The following CSMD2 variants were observed in gnomAD, a reference collection of about 807,000 sequenced individuals.
CSMD2 encodes CUB and sushi domain-containing protein 2.
CSMD2 carries 130 observed loss-of-function variants against 398.5 expected under a neutral mutation model. That is an observed-to-expected ratio of 0.33 (90% CI 0.28 to 0.38). The LOEUF is 0.38. Ranked by LOEUF, CSMD2 falls within the 10% of genes least tolerant of loss-of-function variation. The probability of loss-of-function intolerance (pLI) is 1.00; values close to 1 mark genes in which losing one functional copy is unlikely to be tolerated. For missense variants in CSMD2, 3,829 were observed against 4,764.9 expected, an observed-to-expected ratio of 0.80 and a Z score of 5.78; for synonymous variants, 1,828 against 1,908.5, an observed-to-expected ratio of 0.96 and a Z score of 1.10.
At chr1:34,015,058 A>G (rs1291794468) in intron 3 of CSMD2, among the ~76,000 whole-genome samples, 1 of 152,228 alleles carries the variant, frequency 6.6e-6, no homozygotes, top group Non-Finnish European at 1.5e-5. Context: ...TTCTCAAGAA[A>G]AGAAGGAAGT....
intron 1 of CSMD2, among the ~76,000 whole-genome samples, chr1:34,142,735 C>A (rs1345692442): frequency 2.0e-5 from 3 of 152,156 alleles, no homozygotes; most frequent in Non-Finnish European, 2.9e-5. Flanking sequence ...CATGATTGAA[C>A]CTCGATCTGC....
chr1:33,532,931 G>A (rs1655386387), intron 64 of CSMD2, 119 bp downstream of exon 64: 6 of 965,136 alleles, frequency 6.2e-6, no homozygotes, highest in Non-Finnish European at 8.9e-6. Context: ...AAAATCAGAA[G>A]CGGGATCCAG....
intron 12 of CSMD2, among the ~76,000 whole-genome samples, chr1:33,774,762 C>G (rs1018270158): frequency 6.6e-6 from 1 of 152,118 alleles, no homozygotes; most frequent in Non-Finnish European, 1.5e-5. Flanking sequence ...AAAAGGGGAT[C>G]CTAAGGGGGA....
At chr1:33,730,490 G>A (rs1037277024) in intron 15 of CSMD2, among the ~76,000 whole-genome samples, 15 of 152,088 alleles carry the variant, frequency 9.9e-5, no homozygotes, top group African/African-American at 3.4e-4. Context: ...AAACTCAGAA[G>A]CAGAGTGAAA....
intron 3 of CSMD2, among the ~76,000 whole-genome samples, chr1:34,010,876 C>T (rs1245276207): frequency 6.6e-6 from 1 of 152,180 alleles, no homozygotes; most frequent in Non-Finnish European, 1.5e-5. Context: ...CTGCCCGCCT[C>T]GGCCTCCCAG....
chr1:33,790,801 A>ATATCTATC (rs3078814), intron 11 of CSMD2, among the ~76,000 whole-genome samples: 26,777 of 148,406 alleles, frequency 0.18, 2,496 homozygotes, highest in East Asian at 0.23. Flanking sequence ...CATCTCTCTA[A>ATATCTATC]TATCTATCTA....
intron 2 of CSMD2, among the ~76,000 whole-genome samples, chr1:34,081,535 C>G (rs1286784495): frequency 6.6e-6 from 1 of 152,128 alleles, no homozygotes; most frequent in Non-Finnish European, 1.5e-5. Context: ...TCTCCTGCCT[C>G]GGCCTGCCGA....
intron 5 of CSMD2, among the ~76,000 whole-genome samples, chr1:33,908,739 G>T (rs1014012155): frequency 2.6e-5 from 4 of 152,216 alleles, no homozygotes; most frequent in Non-Finnish European, 5.9e-5. Flanking sequence ...TAGAGTGCTG[G>T]AGCCCTGGCC....
chr1:33,966,315 G>T (rs1034574325), intron 3 of CSMD2, among the ~76,000 whole-genome samples: 3 of 152,150 alleles, frequency 2.0e-5, no homozygotes, highest in Admixed American at 6.5e-5. Context: ...TGCCCTGATG[G>T]TTGCAAATCC....
chr1:33,939,229 C>A (rs1558133899), intron 3 of CSMD2, among the ~76,000 whole-genome samples: 1 of 151,816 alleles, frequency 6.6e-6, no homozygotes, highest in Non-Finnish European at 1.5e-5. Flanking sequence ...CCATGAGATC[C>A]CATGCTCCTG....
chr1:33,865,354 C>T (rs1639945799), intron 5 of CSMD2, among the ~76,000 whole-genome samples: 1 of 149,950 alleles, frequency 6.7e-6, no homozygotes, highest in Non-Finnish European at 1.5e-5. Context: ...GGGTGAACTC[C>T]CAGGGGTGTT....
chr1:33,652,171 A>G (rs1643791468), intron 28 of CSMD2, 152 bp downstream of exon 28: 2 of 746,152 alleles, frequency 2.7e-6, no homozygotes, highest in Admixed American at 2.3e-5. Flanking sequence ...TAGATGTTCA[A>G]TAAATGCTAG....
chr1:33,555,459 A>G (rs187687287), intron 55 of CSMD2, among the ~76,000 whole-genome samples: 1 of 152,384 alleles, frequency 6.6e-6, no homozygotes, highest in East Asian at 1.9e-4. Context: ...ATAAAGTGGC[A>G]GCAGGATTTG....
At chr1:33,852,447 A>G (rs1226034466) in intron 5 of CSMD2, among the ~76,000 whole-genome samples, 1 of 152,210 alleles carries the variant, frequency 6.6e-6, no homozygotes, top group African/African-American at 2.4e-5. Flanking sequence ...CTGGAATGCG[A>G]CTAGTACTTT....
intron 12 of CSMD2, among the ~76,000 whole-genome samples, chr1:33,786,150 C>A (rs1333504428): frequency 6.6e-6 from 1 of 152,198 alleles, no homozygotes; most frequent in East Asian, 1.9e-4. Flanking sequence ...CTAATTTAGT[C>A]AATGGCTCTA....
intron 47 of CSMD2, among the ~76,000 whole-genome samples, chr1:33,581,356 A>ATT (rs1638691553): frequency 8.2e-6 from 1 of 121,380 alleles, no homozygotes; most frequent in African/African-American, 3.6e-5. Context: ...ATCTTTACTA[A>ATT]AAAAAAAAAA....
At position 33,633,556 on chromosome 1, in the gene CSMD2, G is replaced by A. The variant is rs373716122; in HGVS notation, c.5087-21C>T. Reference sequence around the variant, plus strand: ...CACCACTGTGGAGGAGACACAGTGTGGGGACTGGGCAGGCACGCTGGGGGC... The same window carrying A: ...CACCACTGTGGAGGAGACACAGTGTAGGGACTGGGCAGGCACGCTGGGGGC... On this transcript the variant is annotated intron_variant, in intron 31 of 70. Coordinates refer to ENST00000373381, the MANE Select transcript of CSMD2 (RefSeq NM_001281956.2). The surrounding 1 kb of genome is among the most constrained non-coding windows in gnomAD (Gnocchi z 5.0). The A allele has an allele frequency of 7.9e-6, 12 of 1,527,854 alleles. No homozygotes were observed. The highest frequency in any genetic ancestry group is 2.0e-5 in the Admixed American group (1 of 50,974). 94.6% of individuals were successfully genotyped at this position (1,527,854 alleles called of 1,614,324 possible).
chr1:34,021,332 C>T (rs1451581093), intron 3 of CSMD2, among the ~76,000 whole-genome samples: 4 of 152,186 alleles, frequency 2.6e-5, no homozygotes, highest in East Asian at 1.9e-4. Context: ...ACAGGGTCAC[C>T]TGACCCAAGG....
chr1:33,782,389 A>G (rs1330335563), intron 12 of CSMD2, among the ~76,000 whole-genome samples: 1 of 152,172 alleles, frequency 6.6e-6, no homozygotes, highest in Non-Finnish European at 1.5e-5. Context: ...GTCAGGCCCT[A>G]TGCTGGGTGC....
Sources: gnomAD v4.1 joint callset for allele counts (sites outside exome capture counted in the v4.1 genomes callset) on GRCh38, gnomAD v4.1.1 for gene constraint, Gnocchi (gnomAD v3.1) non-coding constraint, MANE v1.5 for transcripts, NCBI Gene and HGNC (gene_info 2026-07-23, HGNC 2026-07-21) for gene names.